The following SLC49A4 variants were observed in gnomAD, a reference collection of about 807,000 sequenced individuals.
SLC49A4 encodes the protein solute carrier family 49 member 4.
SLC49A4 carries 36 observed loss-of-function variants against 50.6 expected under a neutral mutation model. The observed-to-expected ratio is 0.71, with a 90% CI of 0.55 to 0.94. SLC49A4 has a LOEUF of 0.94. SLC49A4 is among the 40% of genes least tolerant of loss of function. The pLI, the probability that SLC49A4 is intolerant of heterozygous loss-of-function variation, is 0.00. For missense variants in SLC49A4, 503 were observed against 605.7 expected (o/e 0.83, Z 1.78); for synonymous variants, 248 against 241.2 (o/e 1.03, Z -0.26).
chr3:122,874,834 A>G (rs542104263), intron 8 of SLC49A4, among the ~76,000 whole-genome samples: 1 of 152,324 alleles, frequency 6.6e-6, no homozygotes, highest in African/African-American at 2.4e-5. Context: ...CCTGTAAAAG[A>G]GCCAAGTCCA....
intron 4 of SLC49A4, among the ~76,000 whole-genome samples, chr3:122,843,435 T>C (rs1936802881): frequency 6.6e-6 from 1 of 152,220 alleles, no homozygotes; most frequent in African/African-American, 2.4e-5. Context: ...GTGCAATATA[T>C]GTCAAAAATA....
intron 7 of SLC49A4, among the ~76,000 whole-genome samples, chr3:122,863,505 G>A (rs530581176): frequency 3.3e-5 from 5 of 152,294 alleles, no homozygotes; most frequent in South Asian, 2.1e-4. Flanking sequence ...AATGGAACAC[G>A]AGAATTTGAA....
At chr3:122,862,694 A>G (rs1316630391) in intron 7 of SLC49A4, among the ~76,000 whole-genome samples, 2 of 152,232 alleles carry the variant, frequency 1.3e-5, no homozygotes, top group Non-Finnish European at 2.9e-5. Context: ...GAACATAGTC[A>G]TGAGTACATA....
intron 1 of SLC49A4, among the ~76,000 whole-genome samples, chr3:122,805,665 A>G (rs1015101032): frequency 6.6e-6 from 1 of 152,262 alleles, no homozygotes; most frequent in African/African-American, 2.4e-5. Context: ...TGGCTGCCAC[A>G]AACAGTAAGA....
At chr3:122,860,729 TG>T (rs1296138840) in intron 7 of SLC49A4, among the ~76,000 whole-genome samples, 1 of 152,250 alleles carries the variant, frequency 6.6e-6, no homozygotes, top group East Asian at 1.9e-4. Flanking sequence ...TTTTAGTTGC[TG>T]TTGTTTTTCT....
Position 122,795,305 on chromosome 3 carries a change from C to T in SLC49A4, c.113C>T (p.Pro38Leu). ...CGGGAGGCGGCGGCGGCGGCGCTGC[C>T]CGCGGCGGTCCCGGGTCCCGGGCGG... ...RSREAAAAAL[P>L]AAVPGPGRVY... The change falls in exon 1 of 9, where the codon CCC becomes CTC. Residue 38 changes from proline to leucine, a missense_variant. Physicochemically the swap from Pro to Leu is moderately conservative, Grantham distance 98. Coordinates refer to ENST00000261038, the MANE Select transcript of SLC49A4 (RefSeq NM_032839.3). 2 of 1,461,420 alleles carry T rather than the reference C, an allele frequency of 1.4e-6. No homozygotes were observed. Among genetic ancestry groups the T allele is most frequent in the Non-Finnish European group, 1.8e-6 (2 of 1,119,396 alleles). The allele number at this position is 1,461,420 out of a possible 1,614,324, so 90.5% of individuals were successfully genotyped here. A position where few individuals can be genotyped will look rare whatever the true frequency, so the allele number is the denominator to read the frequency against.
chr3:122,855,724 G>C (rs1269846494), intron 5 of SLC49A4, among the ~76,000 whole-genome samples: 1 of 152,076 alleles, frequency 6.6e-6, no homozygotes, highest in African/African-American at 2.4e-5. Flanking sequence ...CACTGATCTG[G>C]GTACTGTATA....
intron 1 of SLC49A4, among the ~76,000 whole-genome samples, chr3:122,802,568 G>A (rs1191561456): frequency 2.6e-5 from 4 of 152,260 alleles, no homozygotes; most frequent in East Asian, 1.9e-4. Context: ...CACAGGCTGG[G>A]AATAGTTCAT....
intron 2 of SLC49A4, among the ~76,000 whole-genome samples, chr3:122,818,794 A>T (rs1936412104): frequency 6.6e-6 from 1 of 151,996 alleles, no homozygotes; most frequent in Non-Finnish European, 1.5e-5. Flanking sequence ...AAATATAAAA[A>T]TTAGCCGGGC....
chr3:122,839,244 A>C (rs1576302077), intron 4 of SLC49A4, among the ~76,000 whole-genome samples: 1 of 152,310 alleles, frequency 6.6e-6, no homozygotes, highest in East Asian at 1.9e-4. Flanking sequence ...AAATAAACTC[A>C]AGATGCATCA....
chr3:122,837,161 C>T (rs1165046895), intron 4 of SLC49A4, among the ~76,000 whole-genome samples: 2 of 152,092 alleles, frequency 1.3e-5, no homozygotes, highest in East Asian at 3.8e-4. Context: ...GATTCAATGC[C>T]ATCCCCATCA....
chr3:122,813,398 C>T (rs988335654), intron 2 of SLC49A4, among the ~76,000 whole-genome samples: 5 of 151,768 alleles, frequency 3.3e-5, no homozygotes, highest in Admixed American at 1.3e-4. Flanking sequence ...TTTTCTTGTT[C>T]GGTACATCAT....
At chr3:122,808,333 A>C (rs1936252134) in intron 2 of SLC49A4, among the ~76,000 whole-genome samples, 1 of 152,232 alleles carries the variant, frequency 6.6e-6, no homozygotes, top group Non-Finnish European at 1.5e-5. Context: ...AAAATAGGAA[A>C]GAAGGATATG....
At chr3:122,870,117 T>C (rs1234950188) in intron 7 of SLC49A4, among the ~76,000 whole-genome samples, 1 of 152,198 alleles carries the variant, frequency 6.6e-6, no homozygotes, top group African/African-American at 2.4e-5. Context: ...GGAGTACATT[T>C]CCTTCAGAAA....
At chr3:122,809,328 C>T (rs181290985) in intron 2 of SLC49A4, among the ~76,000 whole-genome samples, 10 of 152,188 alleles carry the variant, frequency 6.6e-5, no homozygotes, top group African/African-American at 1.9e-4. Flanking sequence ...TTGAGATGCT[C>T]TTAATTTTTC....
intron 4 of SLC49A4, among the ~76,000 whole-genome samples, chr3:122,839,982 G>A (rs1936745437): frequency 2.0e-5 from 3 of 152,094 alleles, no homozygotes; most frequent in African/African-American, 4.8e-5. Context: ...CCAAAGATAT[G>A]GAACCAACCT....
At chr3:122,823,372 G>C (rs1936480819) in intron 2 of SLC49A4, among the ~76,000 whole-genome samples, 1 of 152,264 alleles carries the variant, frequency 6.6e-6, no homozygotes, top group Non-Finnish European at 1.5e-5. Flanking sequence ...GGTCAGAAGA[G>C]AAGAAGGACA....
intron 5 of SLC49A4, among the ~76,000 whole-genome samples, chr3:122,847,260 A>G (rs1401260076): frequency 6.6e-6 from 1 of 152,150 alleles, no homozygotes; most frequent in Non-Finnish European, 1.5e-5. Flanking sequence ...TAGTAATTGA[A>G]CTGCCTACTA....
At chr3:122,849,906 A>G (rs957745352) in intron 5 of SLC49A4, among the ~76,000 whole-genome samples, 8 of 152,066 alleles carry the variant, frequency 5.3e-5, no homozygotes, top group African/African-American at 1.4e-4. Context: ...TGTCCAGACC[A>G]GTGTCCTGTA....
Sources: allele counts gnomAD v4.1 joint callset (sites outside exome capture counted in the v4.1 genomes callset), GRCh38; gene constraint gnomAD v4.1.1; transcripts MANE v1.5; gene names NCBI Gene and HGNC (gene_info 2026-07-23, HGNC 2026-07-21).